Variants in SYNE2 observed in about 807,000 individuals in gnomAD.
SYNE2 encodes nesprin-2.
Under a neutral mutation model 856.3 loss-of-function variants are expected in SYNE2, and 431 were observed. The observed-to-expected ratio is 0.50, with a 90% CI of 0.47 to 0.55. The LOEUF is 0.55. SYNE2 is among the 20% of genes least tolerant of loss of function. The pLI is 0.00. For missense variants in SYNE2, 8,129 were observed against 8,023.2 expected (o/e 1.01, Z -0.50); for synonymous variants, 2,923 against 2,872.3 (o/e 1.02, Z -0.56).
chr14:64,225,068 G>C, intron 115 of SYNE2, 23 bp downstream of exon 115: 2 of 1,613,214 alleles, frequency 1.2e-6, no homozygotes. Context: ...TACCGTGACA[G>C]CAGTGCGTTC....
Position 63,999,025 on chromosome 14 carries a change from A to T in SYNE2, c.3465A>T (p.Lys1155Asn), listed in dbSNP as rs575850688. Reference sequence around the variant, plus strand: ...GGAGTAGTTCTTGTCTGCAGGCTAAACTGACAGATCTACAGGTAATTACCA... The same window carrying T: ...GGAGTAGTTCTTGTCTGCAGGCTAATCTGACAGATCTACAGGTAATTACCA... ...EDRSSSCLQA[K>N]LTDLQVIKNE... The change falls in exon 27 of 116, where the codon AAA becomes AAT. Residue 1155 changes from lysine to asparagine, a missense_variant. Around this residue, in one of 3 missense-constraint regions of SYNE2, gnomAD observed 2,422 missense variants for 2,357.4 expected, o/e 1.03. Coordinates refer to ENST00000555002, the MANE Select transcript of SYNE2 (RefSeq NM_182914.3). 7 of 1,613,790 alleles carry T rather than the reference A, an allele frequency of 4.3e-6. No individual in the cohort carries two copies. The South Asian group carries it at 5.5e-5, about 13-fold the overall frequency.
rs756210398 is a variant in SYNE2, at chr14:63,994,026, T to A, written c.2781+57T>A. On this transcript the variant is annotated intron_variant, in intron 22 of 115. Coordinates refer to ENST00000555002, the MANE Select transcript of SYNE2 (RefSeq NM_182914.3). ...TTTTTATATGTCTGATCCTGGGCTGTTGGTTGTCAGAGCCATTCCTGGGGT... is the reference window on the plus strand; with the variant it reads ...TTTTTATATGTCTGATCCTGGGCTGATGGTTGTCAGAGCCATTCCTGGGGT... The A allele has an allele frequency of 2.4e-4, 377 of 1,584,112 alleles. 1 individual carries two copies. The highest frequency in any genetic ancestry group is 1.7e-3 in the Middle Eastern group (10 of 6,000).
chr14:64,068,861 C>CAAAAAAAAAAAAAAAAAAA (rs10546690), intron 51 of SYNE2, among the ~76,000 whole-genome samples: 1 of 76,630 alleles, frequency 1.3e-5, no homozygotes, highest in African/African-American at 4.4e-5. Context: ...GACTCCGTCT[C>CAAAAAAAAAAAAAAAAAAA]AAAAAAAAAA....
chr14:63,924,291 TTG>T (rs57065512), intron 2 of SYNE2, among the ~76,000 whole-genome samples: 69,634 of 151,760 alleles, frequency 0.46, 17,808 homozygotes, highest in Non-Finnish European at 0.56. Flanking sequence ...GAAATTCGAA[TTG>T]TGTGTCTTCC....
At chr14:64,155,366 A>G (rs1340861472) in intron 85 of SYNE2, among the ~76,000 whole-genome samples, 2 of 152,206 alleles carry the variant, frequency 1.3e-5, no homozygotes, top group East Asian at 1.9e-4. Context: ...AAAAGGTCAC[A>G]TATTGTTTGA....
At chr14:64,085,920 A>G (rs2097558119) in intron 57 of SYNE2, among the ~76,000 whole-genome samples, 2 of 152,170 alleles carry the variant, frequency 1.3e-5, no homozygotes, top group South Asian at 4.1e-4. Context: ...CTTTTGACAT[A>G]TATGTCATTT....
intron 93 of SYNE2, among the ~76,000 whole-genome samples, chr14:64,169,582 T>C (rs765128305): frequency 2.0e-5 from 3 of 152,196 alleles, no homozygotes; most frequent in Non-Finnish European, 2.9e-5. Context: ...ATGGGTATGA[T>C]TTTTCTTCCA....
At chr14:63,818,848 G>A (rs575445074) in intron 1 of SYNE2, among the ~76,000 whole-genome samples, 5 of 151,766 alleles carry the variant, frequency 3.3e-5, no homozygotes, top group South Asian at 2.1e-4. Context: ...ACAGGCACCC[G>A]CCACCATGCC....
chr14:63,909,006 A>G lies in SYNE2; in HGVS notation c.-51-92A>G, dbSNP rs2095441068. The stretch of plus-strand genomic sequence containing the variant: ...GAAAGCCATACTTGTTTTGGAGGAC[A>G]GTTTTTGGTTGCTGCTGTTTTCTGG... On this transcript the variant is annotated intron_variant, in intron 1 of 115. Coordinates refer to ENST00000555002, the MANE Select transcript of SYNE2 (RefSeq NM_182914.3). 33 of 720,034 alleles carry G rather than the reference A, an allele frequency of 4.6e-5. 1 individual carries two copies. The East Asian group carries it at 8.4e-4, about 18-fold the overall frequency. 44.6% of individuals were successfully genotyped at this position (720,034 alleles called of 1,614,324 possible). A position where few individuals can be genotyped will look rare whatever the true frequency, so the allele number is the denominator to read the frequency against.
Position 63,960,891 on chromosome 14 carries a change from A to C in SYNE2, c.788-634A>C, listed in dbSNP as rs890402699. On this transcript the variant is annotated intron_variant, in intron 8 of 115. Transcript: ENST00000555002. ...GAGACCCTGTCTAAAAAAAATAAAA[A>C]ATAAGATAAATAAGATTTTGTAGTC... 24 of 590,378 alleles carry C rather than the reference A, an allele frequency of 4.1e-5. No individual in the cohort carries two copies. The African/African-American group carries it at 4.3e-4, about 11-fold the overall frequency. 36.6% of individuals were successfully genotyped at this position (590,378 alleles called of 1,614,324 possible). A position where few individuals can be genotyped will look rare whatever the true frequency, so the allele number is the denominator to read the frequency against.
At chr14:64,100,548 A>T (rs1319409719) in intron 63 of SYNE2, among the ~76,000 whole-genome samples, 1 of 95,194 alleles carries the variant, frequency 1.1e-5, no homozygotes. Context: ...ATATATATAT[A>T]TATATATATA....
chr14:64,010,172 T>C, intron 32 of SYNE2, 56 bp downstream of exon 32: 1 of 1,530,292 alleles, frequency 6.5e-7, no homozygotes, highest in African/African-American at 1.4e-5. Context: ...ACAGGCCTGG[T>C]AGTAAAGAGA....
intron 2 of SYNE2, among the ~76,000 whole-genome samples, chr14:63,937,068 C>T (rs1226002817): frequency 6.6e-6 from 1 of 152,080 alleles, no homozygotes; most frequent in Non-Finnish European, 1.5e-5. Context: ...ATGGGTCCAG[C>T]AGGATGAAGG....
intron 96 of SYNE2, among the ~76,000 whole-genome samples, chr14:64,181,437 C>T (rs756415533): frequency 2.8e-4 from 42 of 152,196 alleles, no homozygotes; most frequent in Admixed American, 4.6e-4. Flanking sequence ...GAAATGTAAA[C>T]CCTTGAGCAG....
intron 1 of SYNE2, among the ~76,000 whole-genome samples, chr14:63,773,964 G>C (rs747853240): frequency 6.6e-6 from 1 of 152,150 alleles, no homozygotes; most frequent in Non-Finnish European, 1.5e-5. Flanking sequence ...AATTATTAAT[G>C]CTTTGCATTT....
chr14:64,214,626 T>C, intron 106 of SYNE2, 156 bp downstream of exon 106: 1 of 705,130 alleles, frequency 1.4e-6, no homozygotes, highest in Non-Finnish European at 2.3e-6. Flanking sequence ...ATCTCTTAAC[T>C]TACCTGAGAA....
intron 1 of SYNE2, among the ~76,000 whole-genome samples, chr14:63,904,622 A>T (rs182751012): frequency 1.8e-3 from 268 of 152,024 alleles, no homozygotes; most frequent in Admixed American, 6.1e-3. Flanking sequence ...TCTCCTTTTA[A>T]GAAGTGTCTA....
Position 64,025,288 on chromosome 14 carries a change from C to T in SYNE2, c.6119C>T (p.Pro2040Leu), listed in dbSNP as rs1277532834. ...SEIEEEDKLL[P>L]TEDQSFNDLA... ...ATCGAGGAAGAGGATAAGTTACTAC[C>T]CACAGAGGACCAGAGCTTTAATGAT... The change falls in exon 41 of 116, where the codon CCC (proline) becomes CTC (leucine). Residue 2040 changes from proline (P) to leucine (L), a missense_variant. Transcript: ENST00000555002. 1.9e-6 allele frequency: 3 copies of T among 1,614,050 alleles called. No individual in the cohort carries two copies. The highest frequency in any genetic ancestry group is 3.3e-5 in the Admixed American group (2 of 60,026).
chr14:64,111,182 A>T (rs576297777), intron 65 of SYNE2, among the ~76,000 whole-genome samples: 110 of 151,194 alleles, frequency 7.3e-4, no homozygotes, highest in African/African-American at 2.5e-3. Flanking sequence ...CTTGGGCAAC[A>T]TGGCAAGACC....
Sources: allele counts gnomAD v4.1 joint callset (sites outside exome capture counted in the v4.1 genomes callset), GRCh38; gene constraint gnomAD v4.1.1; regional missense constraint gnomAD v4.1.1; transcripts MANE v1.5; gene names NCBI Gene and HGNC (gene_info 2026-07-23, HGNC 2026-07-21).